MAPK4: variants seen among roughly 807,000 people sequenced by gnomAD.
MAPK4 encodes the protein mitogen-activated protein kinase 4, also known as Erk3-related.
MAPK4 carries 22 observed loss-of-function variants against 47.7 expected under a neutral mutation model. That is an observed-to-expected ratio of 0.46 (90% CI 0.33 to 0.66). MAPK4 has a LOEUF of 0.66. MAPK4 is among the 30% of genes least tolerant of loss of function. MAPK4 has a pLI of 0.02. For synonymous variants in MAPK4, 390 were observed against 365.7 expected (o/e 1.07, Z -0.76); for missense variants, 736 against 831.7 (o/e 0.88, Z 1.42).
At chr18:50,701,640 G>A (rs780486745) in intron 2 of MAPK4, among the ~76,000 whole-genome samples, 6 of 152,148 alleles carry the variant, frequency 3.9e-5, no homozygotes, top group Admixed American at 1.3e-4. Flanking sequence ...ATGCAAACAC[G>A]GCCCACCCTA....
At chr18:50,612,012 C>A (rs12327444) in intron 1 of MAPK4, among the ~76,000 whole-genome samples, 47,834 of 152,108 alleles carry the variant, frequency 0.31, 8,034 homozygotes, top group Non-Finnish European at 0.37. Context: ...CACATGTTTA[C>A]ACTATGTGAC....
intron 4 of MAPK4, among the ~76,000 whole-genome samples, chr18:50,722,524 C>T (rs1032602399): frequency 6.6e-6 from 1 of 152,154 alleles, no homozygotes; most frequent in Non-Finnish European, 1.5e-5. Context: ...ACTCCTCAGG[C>T]TTACTCCCTC....
intron 1 of MAPK4, among the ~76,000 whole-genome samples, chr18:50,638,874 C>G (rs1168979993): frequency 6.6e-6 from 1 of 152,168 alleles, no homozygotes; most frequent in Non-Finnish European, 1.5e-5. Flanking sequence ...TTTGATTATC[C>G]TGTTCTTCAG....
At chr18:50,655,542 G>A (rs1221960075) in intron 1 of MAPK4, among the ~76,000 whole-genome samples, 2 of 152,268 alleles carry the variant, frequency 1.3e-5, no homozygotes, top group South Asian at 4.2e-4. Context: ...ACGAACCACT[G>A]CAGCCTGCAC....
intron 1 of MAPK4, among the ~76,000 whole-genome samples, chr18:50,613,268 T>C (rs1352681178): frequency 1.3e-5 from 2 of 152,176 alleles, no homozygotes; most frequent in East Asian, 3.9e-4. Flanking sequence ...TCTTGTTGGC[T>C]TTGAAAAAGC....
At chr18:50,588,182 T>C (rs1234819500) in intron 1 of MAPK4, among the ~76,000 whole-genome samples, 1 of 152,214 alleles carries the variant, frequency 6.6e-6, no homozygotes, top group African/African-American at 2.4e-5. Flanking sequence ...TGGGCAGTGC[T>C]GGGAAGGGCG....
chr18:50,661,150 A>T (rs1352864260), intron 1 of MAPK4, among the ~76,000 whole-genome samples: 1 of 152,010 alleles, frequency 6.6e-6, no homozygotes, highest in African/African-American at 2.4e-5. Context: ...GTCTCTTCCT[A>T]AAAAAAATAA....
intron 1 of MAPK4, among the ~76,000 whole-genome samples, chr18:50,594,973 T>TA (rs2042469467): frequency 6.6e-6 from 1 of 152,164 alleles, no homozygotes; most frequent in South Asian, 2.1e-4. Context: ...TCATTTGTCA[T>TA]AAGGGAAATA....
chr18:50,570,643 C>G (rs2042241612), intron 1 of MAPK4, among the ~76,000 whole-genome samples: 1 of 152,152 alleles, frequency 6.6e-6, no homozygotes, highest in Admixed American at 6.5e-5. Context: ...GTCAAGACAG[C>G]CTTTCCAGAT....
At chr18:50,676,793 T>C (rs963917921) in intron 2 of MAPK4, among the ~76,000 whole-genome samples, 9 of 152,330 alleles carry the variant, frequency 5.9e-5, no homozygotes, top group South Asian at 2.1e-4. Context: ...TGCAATAACA[T>C]AGACAATTTT....
intron 2 of MAPK4, among the ~76,000 whole-genome samples, chr18:50,710,900 C>A (rs180816345): frequency 1.3e-5 from 2 of 152,336 alleles, no homozygotes; most frequent in Admixed American, 6.5e-5. Context: ...TTGGATTGAG[C>A]CTTCTCCCCC....
intron 2 of MAPK4, among the ~76,000 whole-genome samples, chr18:50,708,176 CT>C (rs1910158938): frequency 6.7e-6 from 1 of 148,914 alleles, no homozygotes; most frequent in South Asian, 2.1e-4. Flanking sequence ...GGTATTATTC[CT>C]TTTTAAAAAA....
chr18:50,655,054 G>A (rs2043093508), intron 1 of MAPK4, among the ~76,000 whole-genome samples: 1 of 152,190 alleles, frequency 6.6e-6, no homozygotes, highest in Admixed American at 6.5e-5. Context: ...CCCCACCTCA[G>A]GGAGGTGAAG....
At chr18:50,589,327 A>G (rs1161128980) in intron 1 of MAPK4, among the ~76,000 whole-genome samples, 1 of 152,018 alleles carries the variant, frequency 6.6e-6, no homozygotes, top group Non-Finnish European at 1.5e-5. Flanking sequence ...AAAAATATTA[A>G]CTCTAACGCC....
chr18:50,704,576 C>T (rs1909952739), intron 2 of MAPK4: 8 of 398,654 alleles, frequency 2.0e-5, no homozygotes, highest in Non-Finnish European at 3.5e-5. Flanking sequence ...CCAGAGCCTT[C>T]TGAGAAGGGA....
chr18:50,647,052 A>G (rs926088783), intron 1 of MAPK4, among the ~76,000 whole-genome samples: 2 of 152,178 alleles, frequency 1.3e-5, no homozygotes, highest in African/African-American at 2.4e-5. Flanking sequence ...TGTAAGTTCC[A>G]TGGGGCCCAG....
chr18:50,627,904 A>C (rs547921169), intron 1 of MAPK4, among the ~76,000 whole-genome samples: 6 of 152,172 alleles, frequency 3.9e-5, no homozygotes, highest in Non-Finnish European at 5.9e-5. Context: ...TTAGATTCTC[A>C]TGTGAGTCCA....
At chr18:50,651,262 C>A (rs7243892) in intron 1 of MAPK4, among the ~76,000 whole-genome samples, 4 of 152,110 alleles carry the variant, frequency 2.6e-5, no homozygotes, top group Non-Finnish European at 4.4e-5. Context: ...TTGTCCACTC[C>A]GCACCCAGTC....
At chr18:50,696,108 A>AAG (rs1555656322) in intron 2 of MAPK4, among the ~76,000 whole-genome samples, 8 of 151,750 alleles carry the variant, frequency 5.3e-5, no homozygotes, top group Non-Finnish European at 7.4e-5. Flanking sequence ...AAAAAAAAAA[A>AAG]AAAAGCAAAC....
Sources: allele counts gnomAD v4.1 joint callset (sites outside exome capture counted in the v4.1 genomes callset), GRCh38; gene constraint gnomAD v4.1.1; transcripts MANE v1.5; gene names NCBI Gene and HGNC (gene_info 2026-07-23, HGNC 2026-07-21).